NUMA1: variants seen among roughly 807,000 people sequenced by gnomAD.
The protein encoded by NUMA1 is nuclear mitotic apparatus protein 1, also known as SP-H antigen.
Under a neutral mutation model 237.1 loss-of-function variants are expected in NUMA1, and 62 were observed. The observed-to-expected ratio is 0.26, with a 90% CI of 0.21 to 0.32. NUMA1 has a LOEUF of 0.32. Among genes scored for constraint, NUMA1 ranks in the 10% least tolerant of loss-of-function variants. The pLI is 1.00. For missense variants in NUMA1, 2,533 were observed against 2,666.5 expected (o/e 0.95, Z 1.10); for synonymous variants, 1,028 against 1,066.1 (o/e 0.96, Z 0.70).
Position 72,013,802 on chromosome 11 carries a change from ACCT to A in NUMA1, c.3698_3700del (p.Glu1233del). The A allele has an allele frequency of 6.2e-7, 1 of 1,609,914 alleles. No homozygotes were observed. Among genetic ancestry groups the A allele is most frequent in the Non-Finnish European group, 8.5e-7 (1 of 1,179,842 alleles). On this transcript the variant is annotated inframe_deletion, in exon 15 of 27. Coordinates refer to ENST00000393695, the MANE Select transcript of NUMA1 (RefSeq NM_006185.4). This position sits in a 1 kb window ranked among gnomAD's most constrained non-coding sequence, Gnocchi z 6.8. ...CAGGACCTGGCGATTCAGGATGGACACCTCCTCCTCCAAGCTGCTGATGAGGCT... is the reference window on the plus strand; with the variant it reads ...CAGGACCTGGCGATTCAGGATGGACACCTCCTCCAAGCTGCTGATGAGGCT...
chr11:72,061,692 T>C (rs776343503), intron 2 of NUMA1, among the ~76,000 whole-genome samples: 1 of 152,048 alleles, frequency 6.6e-6, no homozygotes, highest in Admixed American at 6.6e-5. Context: ...GGCCTTGTCA[T>C]GTTGCCTAAG....
rs1161432083 is a variant in NUMA1 at position 72,022,398 on chromosome 11, G to T, written c.313C>A (p.His105Asn). The change falls in exon 7 of 27, where the codon CAC becomes AAC. Residue 105 changes from histidine (H) to asparagine (N), a missense_variant. By Grantham distance (68) the His-to-Asn change is moderately conservative. Coordinates refer to ENST00000393695, the MANE Select transcript of NUMA1 (RefSeq NM_006185.4). Reference sequence around the variant, plus strand: ...GGACTTTTGGAGCTCATGGTAGAGTGGTATAAGAGCAGCATGGTCATCTAG... The same window carrying T: ...GGACTTTTGGAGCTCATGGTAGAGTTGTATAAGAGCAGCATGGTCATCTAG... ...LAKMTMLLLYHSTMSSKSPRD... is the reference protein window; with the variant it reads ...LAKMTMLLLYNSTMSSKSPRD... 1.2e-6 allele frequency: 2 copies of T among 1,613,298 alleles called. No individual in the cohort carries two copies. The highest frequency in any genetic ancestry group is 1.7e-6 in the Non-Finnish European group (2 of 1,179,630).
chr11:72,066,680 A>C (rs1037046857), intron 2 of NUMA1: 5 of 152,168 alleles, frequency 3.3e-5, no homozygotes, highest in Non-Finnish European at 5.9e-5. Flanking sequence ...ATCAGGAACA[A>C]TTGTTCTTTC....
At chr11:72,034,297 T>G (rs1940726129) in intron 3 of NUMA1, among the ~76,000 whole-genome samples, 1 of 152,134 alleles carries the variant, frequency 6.6e-6, no homozygotes, top group African/African-American at 2.4e-5. Flanking sequence ...TTGTGCACAC[T>G]ATATGTATCT....
At chr11:72,032,276 A>AT (rs1940444578) in intron 3 of NUMA1, among the ~76,000 whole-genome samples, 1 of 152,184 alleles carries the variant, frequency 6.6e-6, no homozygotes, top group Non-Finnish European at 1.5e-5. Flanking sequence ...TTTATAATAT[A>AT]TTTTTACTGT....
chr11:72,031,198 G>C (rs1940259078), intron 3 of NUMA1, among the ~76,000 whole-genome samples: 2 of 152,044 alleles, frequency 1.3e-5, no homozygotes, highest in Non-Finnish European at 2.9e-5. Flanking sequence ...CTACATAAGA[G>C]GCTGAGGTAG....
rs1346488233 is a variant in NUMA1, at chr11:72,004,322, C to T, written c.6026G>A (p.Cys2009Tyr). The T allele has an allele frequency of 6.2e-7, 1 of 1,613,036 alleles. No individual in the cohort carries two copies. Among genetic ancestry groups the T allele is most frequent in the East Asian group, 2.2e-5 (1 of 44,872 alleles). Residue 2009 changes from cysteine to tyrosine, a missense_variant, in exon 25 of 27, where the codon TGT becomes TAT. This residue lies in a region of NUMA1 where 795 missense variants were observed against 750.8 expected (regional missense o/e 1.06). Coordinates refer to ENST00000393695, the MANE Select transcript of NUMA1 (RefSeq NM_006185.4). ...GTPESKKATS[C>Y]FPRPMTPRDR... ...TCGGGGAGTCATGGGGCGTGGGAAA[C>T]AGCTGGTGGCCTTCTTAGACTATGG...
intron 4 of NUMA1, among the ~76,000 whole-genome samples, chr11:72,028,370 C>A (rs1235219472): frequency 6.7e-6 from 1 of 148,238 alleles, no homozygotes; most frequent in Non-Finnish European, 1.5e-5. Flanking sequence ...CAGTTCCTAA[C>A]TGCCACGTAT....
chr11:72,075,367 T>C (rs921554224), intron 1 of NUMA1, among the ~76,000 whole-genome samples: 40 of 152,164 alleles, frequency 2.6e-4, no homozygotes, highest in African/African-American at 9.7e-4. Context: ...AGCCTGGTGT[T>C]TCTTGACAAC....
chr11:72,004,696 G>T lies in NUMA1; in HGVS notation c.5950C>A (p.Arg1984=). ...AGGGAGACCCGTTTGCGCTGCTGCC[G>T]GGTGGTGATGCCAGTGCCCTCGGCT... ...QIAEGTGITT[R]QQRKRVSLEP... is the part of the protein sequence containing the mutation. The change falls in exon 24 of 27, where the codon CGG becomes AGG. Residue 1984 remains arginine, a synonymous_variant. Coordinates refer to ENST00000393695, the MANE Select transcript of NUMA1 (RefSeq NM_006185.4). 1 of 1,613,810 alleles carries T rather than the reference G, an allele frequency of 6.2e-7. No homozygotes were observed. The highest frequency in any genetic ancestry group is 8.5e-7 in the Non-Finnish European group (1 of 1,179,960).
chr11:72,018,201 A>G lies in NUMA1; in HGVS notation c.960T>C (p.Asn320=). The G allele has an allele frequency of 6.2e-7, 1 of 1,613,680 alleles. No individual in the cohort carries two copies. Residue 320 remains asparagine (N), a synonymous_variant, in exon 12 of 27, where the codon AAT becomes AAC. Transcript: ENST00000393695. ...CACCCACCTTAAAGGAAAGGTCTCC[A>G]TTCTCCTCCGAAAGCTGGTTGATTT... ...DRKINQLSEE[N]GDLSFKLREF...
chr11:72,007,509 A>G (rs1955821915), intron 20 of NUMA1, 74 bp from the exon 21 acceptor site: 3 of 1,550,774 alleles, frequency 1.9e-6, no homozygotes, highest in African/African-American at 2.7e-5. Flanking sequence ...TTTGAAAGTG[A>G]CCATTTCCCA....
chr11:72,014,930 C>A lies in NUMA1; in HGVS notation c.2573G>T (p.Gly858Val), dbSNP rs1374701923. Residue 858 changes from glycine to valine, a missense_variant, in exon 15 of 27, where the codon GGC becomes GTC. Around this residue, in one of 3 missense-constraint regions of NUMA1, gnomAD observed 1,414 missense variants for 1,508.1 expected, o/e 0.94. Transcript: ENST00000393695. This position sits in a 1 kb window ranked among gnomAD's most constrained non-coding sequence, Gnocchi z 4.6. ...CTGGAGCTCGCTGTGGGATTCTATG[C>A]CTGCCACCTTCTCCTTTGCCTCCTG... Reference protein sequence around the residue: ...ELQEAKEKVAGIESHSELQIS... With the variant: ...ELQEAKEKVAVIESHSELQIS... 3.7e-6 allele frequency: 6 copies of A among 1,614,178 alleles called. No individual in the cohort carries two copies. The Admixed American group carries it at 8.3e-5, about 22-fold the overall frequency.
chr11:72,014,391 G>C lies in NUMA1; in HGVS notation c.3112C>G (p.Leu1038Val). ...GCGAACTCCACACGCTGCTCGTTGA[G>C]GGCGTTCTGCAGCCGCATCTCAAGC... ...AELEMRLQNA[L>V]NEQRVEFATL... is the part of the protein sequence containing the mutation. The change falls in exon 15 of 27, where the codon CTC becomes GTC. Residue 1038 changes from leucine (L) to valine (V), a missense_variant. Leu to Val is a conservative substitution (Grantham distance 32). Transcript: ENST00000393695. The surrounding 1 kb of genome is among the most constrained non-coding windows in gnomAD (Gnocchi z 4.6). 1.2e-6 allele frequency: 2 copies of C among 1,611,826 alleles called. No homozygotes were observed. The highest frequency in any genetic ancestry group is 1.3e-5 in the African/African-American group (1 of 75,032).
rs866755501 is a variant in NUMA1 at position 72,054,064 on chromosome 11, G to A, written c.-33+15778C>T. ...GAACCAATCCCCACAGATGCTGAGGGACAACTGTATAAATGAAGAATGAGA... is the reference window on the plus strand; with the variant it reads ...GAACCAATCCCCACAGATGCTGAGGAACAACTGTATAAATGAAGAATGAGA... On this transcript the variant is annotated intron_variant, in intron 2 of 26. Transcript: ENST00000393695. Among the ~76,000 whole-genome samples, 5 of 152,278 alleles carry A rather than the reference G, an allele frequency of 3.3e-5. No individual in the cohort carries two copies. In the Middle Eastern group the frequency reaches 0.014, roughly 414 times the overall value.
At chr11:72,024,660 G>C (rs1203093659) in intron 4 of NUMA1, 3 of 376,336 alleles carry the variant, frequency 8.0e-6, no homozygotes, top group African/African-American at 2.1e-5. Context: ...AGGCAGCACA[G>C]ATGAACGGGA....
intron 4 of NUMA1, among the ~76,000 whole-genome samples, chr11:72,026,210 C>T (rs1207289655): frequency 2.0e-5 from 3 of 152,200 alleles, no homozygotes; most frequent in African/African-American, 7.2e-5. Context: ...TCATCTCTGT[C>T]AGGAAGCCAT....
At chr11:72,022,164 T>C (rs1938943104) in intron 7 of NUMA1, 175 bp downstream of exon 7, 1 of 547,512 alleles carries the variant, frequency 1.8e-6, no homozygotes, top group South Asian at 2.5e-5. Context: ...TATCGGCAAC[T>C]GTTATTTCCT....
chr11:72,049,560 A>AATAATATATATATATATAT (rs1555034473), intron 2 of NUMA1: 18 of 41,016 alleles, frequency 4.4e-4, no homozygotes, highest in African/African-American at 1.5e-3. Flanking sequence ...AAATAATAAT[A>AATAATATATATATATATAT]ATATATATAT....
Sources: allele counts gnomAD v4.1 joint callset (sites outside exome capture counted in the v4.1 genomes callset), GRCh38; gene constraint gnomAD v4.1.1; regional missense constraint gnomAD v4.1.1; non-coding constraint Gnocchi (gnomAD v3.1); transcripts MANE v1.5; gene names NCBI Gene and HGNC (gene_info 2026-07-23, HGNC 2026-07-21).